The following GGTA1 variants were observed in gnomAD, a reference collection of about 807,000 sequenced individuals.
GGTA1 encodes glycoprotein alpha-galactosyltransferase 1 (inactive).
GGTA1 carries 5 observed loss-of-function variants against 2.6 expected under a neutral mutation model. That is an observed-to-expected ratio of 1.92 (90% CI 1.00 to 4.04). The LOEUF is 4.04. Ranked by LOEUF, GGTA1 falls within the 30% of genes most tolerant of loss-of-function variation. The pLI is 0.00. For synonymous variants in GGTA1, 17 were observed against 5.0 expected (o/e 3.38, Z -3.19); for missense variants, 50 against 16.7 (o/e 2.99, Z -3.47).
chr9:121,483,844 T>G (rs532075111), intron 1 of GGTA1, among the ~76,000 whole-genome samples: 1 of 152,346 alleles, frequency 6.6e-6, no homozygotes, highest in South Asian at 2.1e-4. Context: ...GTGTGAGGAT[T>G]AAGTGTTCTT....
At position 121,476,749 on chromosome 9, in the gene GGTA1, A is replaced by G. The variant is rs1357378352; in HGVS notation, c.-9-8818T>C. 6.6e-6 allele frequency among the ~76,000 whole-genome samples: 1 copy of G among 152,240 alleles called. No homozygotes were observed. The highest frequency in any genetic ancestry group is 1.5e-5 in the Non-Finnish European group (1 of 68,042). On this transcript the variant is annotated intron_variant, in intron 1 of 5. Coordinates refer to ENST00000481799, the MANE Select transcript of GGTA1 (RefSeq NM_001382585.1). The surrounding 1 kb of genome is among the most constrained non-coding windows in gnomAD (Gnocchi z 4.6). The stretch of plus-strand genomic sequence containing the variant: ...CAGGAGCTAATGACGCTTAGGTGTC[A>G]GGGTCCTCATGTGCACAAGCCCCTT...
At chr9:121,490,649 C>A (rs1012761042) in intron 1 of GGTA1, among the ~76,000 whole-genome samples, 7 of 152,246 alleles carry the variant, frequency 4.6e-5, no homozygotes, top group Non-Finnish European at 8.8e-5. Flanking sequence ...CGCATGGAGG[C>A]AGGTGCTAGA....
At chr9:121,465,557 A>T (rs2064999548) in intron 2 of GGTA1, among the ~76,000 whole-genome samples, 1 of 151,922 alleles carries the variant, frequency 6.6e-6, no homozygotes, top group Non-Finnish European at 1.5e-5. Context: ...TGGGAGTAGG[A>T]CCCCCATGAA....
chr9:121,480,061 C>CTTTTCTTTTCTTTTCTTTTCTTTT (rs58602847), intron 1 of GGTA1, among the ~76,000 whole-genome samples: 12 of 139,822 alleles, frequency 8.6e-5, no homozygotes, highest in Non-Finnish European at 1.5e-4. Flanking sequence ...CTTTTCTTTT[C>CTTTTCTTTTCTTTTCTTTTCTTTT]TTTTTTTTTT....
At chr9:121,494,260 A>G (rs549752662) in intron 1 of GGTA1, among the ~76,000 whole-genome samples, 1 of 152,202 alleles carries the variant, frequency 6.6e-6, no homozygotes, top group South Asian at 2.1e-4. Flanking sequence ...AACAGAAGGC[A>G]ATGGGTCTCC....
chr9:121,475,206 C>T (rs1828482333), intron 1 of GGTA1, among the ~76,000 whole-genome samples: 1 of 152,148 alleles, frequency 6.6e-6, no homozygotes, highest in African/African-American at 2.4e-5. Flanking sequence ...ATGAGAGTGA[C>T]CTCTGGTCCT....
At chr9:121,470,675 C>T (rs752778115) in intron 1 of GGTA1, among the ~76,000 whole-genome samples, 2 of 152,244 alleles carry the variant, frequency 1.3e-5, no homozygotes, top group Non-Finnish European at 2.9e-5. Context: ...AACCTGTCAT[C>T]CATTCCTGGG....
intron 1 of GGTA1, among the ~76,000 whole-genome samples, chr9:121,482,250 T>C (rs913826925): frequency 4.0e-5 from 6 of 150,862 alleles, no homozygotes; most frequent in African/African-American, 1.5e-4. Flanking sequence ...GAAGGATCCC[T>C]TGAGCCCAGG....
At chr9:121,488,823 C>T (rs1026499172) in intron 1 of GGTA1, among the ~76,000 whole-genome samples, 2 of 152,158 alleles carry the variant, frequency 1.3e-5, no homozygotes, top group Non-Finnish European at 2.9e-5. Context: ...GCAGGAGAAT[C>T]GCTTGAACCC....
downstream of GGTA1, among the ~76,000 whole-genome samples, chr9:121,450,295 T>C (rs1479364530): frequency 6.7e-6 from 1 of 149,608 alleles, no homozygotes; most frequent in East Asian, 2.0e-4. Flanking sequence ...AAAAATCTAT[T>C]GTGCCCTGAA....
At chr9:121,473,612 T>C (rs952557743) in intron 1 of GGTA1, among the ~76,000 whole-genome samples, 2 of 152,212 alleles carry the variant, frequency 1.3e-5, no homozygotes, top group African/African-American at 2.4e-5. Flanking sequence ...GGTGGTTCAC[T>C]GTCCTACCCA....
intron 1 of GGTA1, among the ~76,000 whole-genome samples, chr9:121,484,267 C>A (rs772603992): frequency 6.6e-6 from 1 of 152,130 alleles, no homozygotes; most frequent in Non-Finnish European, 1.5e-5. Flanking sequence ...AAAAAGAAAA[C>A]ATTCTGGCCA....
At chr9:121,456,254 G>A (rs1339695041) in intron 5 of GGTA1, among the ~76,000 whole-genome samples, 1 of 152,198 alleles carries the variant, frequency 6.6e-6, no homozygotes, top group African/African-American at 2.4e-5. Context: ...CGTAGGACAT[G>A]CAATGGTGTG....
intron 1 of GGTA1, among the ~76,000 whole-genome samples, chr9:121,469,880 T>C (rs1299937697): frequency 6.6e-6 from 1 of 152,166 alleles, no homozygotes; most frequent in Non-Finnish European, 1.5e-5. Context: ...CTAGGGGCCA[T>C]CCCTACAGCC....
At chr9:121,470,672 C>T (rs1468447240) in intron 1 of GGTA1, among the ~76,000 whole-genome samples, 1 of 152,240 alleles carries the variant, frequency 6.6e-6, no homozygotes, top group Non-Finnish European at 1.5e-5. Flanking sequence ...TCTAACCTGT[C>T]ATCCATTCCT....
exon 8 of GGTA1, chr9:121,447,386 G>T (rs1381987373): frequency 1.3e-5 from 2 of 152,574 alleles, no homozygotes; most frequent in Non-Finnish European, 2.9e-5. Context: ...GCCAAGATGT[G>T]CTCCCCAGTG....
At chr9:121,460,919 A>G (rs1392993626) in intron 4 of GGTA1, among the ~76,000 whole-genome samples, 3 of 152,076 alleles carry the variant, frequency 2.0e-5, no homozygotes, top group Non-Finnish European at 4.4e-5. Flanking sequence ...AAACAAAACA[A>G]AAGACTTATT....
intron 1 of GGTA1, among the ~76,000 whole-genome samples, chr9:121,478,075 T>C (rs1342702326): frequency 6.6e-6 from 1 of 152,166 alleles, no homozygotes; most frequent in African/African-American, 2.4e-5. Flanking sequence ...AAACAGAGGC[T>C]CAGAAAGGTG....
intron 1 of GGTA1, among the ~76,000 whole-genome samples, chr9:121,485,593 A>G (rs1828740990): frequency 6.6e-6 from 1 of 152,146 alleles, no homozygotes; most frequent in African/African-American, 2.4e-5. Context: ...GGTGAAGACA[A>G]GGTTCCCCAA....
Sources: gnomAD v4.1 joint callset for allele counts (sites outside exome capture counted in the v4.1 genomes callset) on GRCh38, gnomAD v4.1.1 for gene constraint, Gnocchi (gnomAD v3.1) non-coding constraint, MANE v1.5 for transcripts, NCBI Gene and HGNC (gene_info 2026-07-23, HGNC 2026-07-21) for gene names.